Variants in HERC2 observed in about 807,000 individuals in gnomAD.
The protein encoded by HERC2 is E3 ubiquitin-protein ligase HERC2.
A neutral mutation model predicts 537.7 loss-of-function variants in HERC2; 102 were observed. The ratio of observed to expected loss-of-function variants is 0.19; its 90% CI spans 0.16 to 0.22. HERC2 has a LOEUF of 0.22. Ranked by LOEUF, HERC2 falls within the 10% of genes least tolerant of loss-of-function variation. The pLI is 1.00. For synonymous variants in HERC2, 2,224 were observed against 2,466.2 expected (o/e 0.90, Z 2.91); for missense variants, 4,236 against 6,198.2 (o/e 0.68, Z 10.63).
In HERC2 at chr15:28,201,569, T is replaced by C. The variant is rs1897912322; in HGVS notation, c.7618-15A>G. The C allele has an allele frequency of 1.3e-6, 2 of 1,551,524 alleles. No homozygotes were observed. Among genetic ancestry groups the C allele is most frequent in the Non-Finnish European group, 8.9e-7 (1 of 1,123,638 alleles). On this transcript the variant is annotated splice_polypyrimidine_tract_variant and intron_variant, in intron 47 of 92. Coordinates refer to ENST00000261609, the MANE Select transcript of HERC2 (RefSeq NM_004667.6). Reference sequence around the variant, plus strand: ...GCACCAGTAGACTGCAAGAAATAAATACATTCAAACAAAAAAACAGGAGAA... The same window carrying C: ...GCACCAGTAGACTGCAAGAAATAAACACATTCAAACAAAAAAACAGGAGAA...
At chr15:28,157,367 C>G (rs1401663590) in intron 69 of HERC2, among the ~76,000 whole-genome samples, 1 of 152,222 alleles carries the variant, frequency 6.6e-6, no homozygotes, top group Non-Finnish European at 1.5e-5. Context: ...GTGATTCCAT[C>G]TGGTCCTGGA....
chr15:28,142,966 G>C lies in HERC2; in HGVS notation c.11419-14C>G, dbSNP rs375750342. On this transcript the variant is annotated splice_polypyrimidine_tract_variant and intron_variant, in intron 74 of 92. Transcript: ENST00000261609. ...ACCTGTAAAACTCTAAGAAACAACA[G>C]AACAGTATTCTATCGCAGGAATCCA... is the stretch of plus-strand genomic sequence containing the variant. The C allele has an allele frequency of 2.5e-6, 4 of 1,605,550 alleles. No individual in the cohort carries two copies. The African/African-American group carries it at 4.0e-5, about 16-fold the overall frequency.
chr15:28,310,691 AGTTTCAGACTAT>A (rs1488731182), intron 2 of HERC2, among the ~76,000 whole-genome samples: 2 of 152,066 alleles, frequency 1.3e-5, no homozygotes. Context: ...GTGCTCCAGG[AGTTTCAGACTAT>A]CTTTAGGCAC....
At chr15:28,192,527 AAT>A (rs1896945861) in intron 52 of HERC2, among the ~76,000 whole-genome samples, 1 of 152,264 alleles carries the variant, frequency 6.6e-6, no homozygotes, top group Non-Finnish European at 1.5e-5. Flanking sequence ...CACTTCCATT[AAT>A]GGCAAATCTG....
chr15:28,157,450 A>C (rs575263041), intron 69 of HERC2, among the ~76,000 whole-genome samples: 1 of 152,062 alleles, frequency 6.6e-6, no homozygotes, highest in Non-Finnish European at 1.5e-5. Flanking sequence ...CAGAGATTCA[A>C]CTTCTTCCTG....
chr15:28,165,663 C>G (rs1466297154), intron 68 of HERC2, among the ~76,000 whole-genome samples: 1 of 151,806 alleles, frequency 6.6e-6, no homozygotes, highest in South Asian at 2.1e-4. Context: ...AAAAATTAGC[C>G]AGGTATGGTG....
In HERC2 at chr15:28,270,753, A is replaced by G; in HGVS notation, c.1199T>C (p.Leu400Ser). The stretch of plus-strand genomic sequence containing the variant: ...CATACAGGGCGTAGCCAGACGGTCT[A>G]AATGGGCCATGACAACAACCGCCGT... Reference protein sequence around the residue: ...RQTAVVVMAHLDRLATPCMPP... With the variant: ...RQTAVVVMAHSDRLATPCMPP... The change falls in exon 10 of 93, where the codon TTA becomes TCA. Residue 400 changes from leucine (L) to serine (S), a missense_variant. Transcript: ENST00000261609. 1 of 1,613,984 alleles carries G rather than the reference A, an allele frequency of 6.2e-7. No individual in the cohort carries two copies. The highest frequency in any genetic ancestry group is 8.5e-7 in the Non-Finnish European group (1 of 1,179,856).
rs375031915 is a variant in HERC2, at chr15:28,185,796, G to A, written c.8825+781C>T. Among the ~76,000 whole-genome samples, 6 of 152,322 alleles carry A rather than the reference G, an allele frequency of 3.9e-5. No individual in the cohort carries two copies. The South Asian group carries it at 1.0e-3, about 26-fold the overall frequency. ...TGCTCCAATGCAGACTCTCAAGGCTGTATGCACTTCTTCCTGCCTCTTACC... is the reference window on the plus strand; with the variant it reads ...TGCTCCAATGCAGACTCTCAAGGCTATATGCACTTCTTCCTGCCTCTTACC... On this transcript the variant is annotated intron_variant, in intron 56 of 92. Transcript: ENST00000261609.
In HERC2 at chr15:28,201,408, T is replaced by C. The variant is rs761206174; in HGVS notation, c.7716+48A>G. ...GGCATATAGGACATACTCAAATATT[T>C]GCTGAATGAAAAACGGATCGAGGCT... On this transcript the variant is annotated intron_variant, in intron 48 of 92. Transcript: ENST00000261609. 9 of 1,209,048 alleles carry C rather than the reference T, an allele frequency of 7.4e-6. No individual in the cohort carries two copies. The South Asian group carries it at 1.1e-4, about 15-fold the overall frequency. The allele number at this position is 1,209,048 out of a possible 1,614,324, so 74.9% of individuals were successfully genotyped here.
rs146558015 is a variant in HERC2, at chr15:28,192,070, C to G, written c.8342G>C (p.Ser2781Thr). ...CAGGCTCTTCACCATGCGGGACCAGCTGTCCAGCAGCATGCCTGGCTGGCT... is the reference window on the plus strand; with the variant it reads ...CAGGCTCTTCACCATGCGGGACCAGGTGTCCAGCAGCATGCCTGGCTGGCT... The part of the protein sequence containing the change: ...HSSQPGMLLD[S>T]WSRMVKSLNV... The change falls in exon 53 of 93, where the codon AGC (serine) becomes ACC (threonine). Residue 2781 changes from serine (S) to threonine (T), a missense_variant. By Grantham distance (58) the Ser-to-Thr change is moderately conservative. Coordinates refer to ENST00000261609, the MANE Select transcript of HERC2 (RefSeq NM_004667.6). 2.3e-4 allele frequency: 367 copies of G among 1,614,010 alleles called. 4 individuals carry two copies. The African/African-American group carries it at 4.4e-3, about 19-fold the overall frequency.
At chr15:28,305,509 C>A (rs1480284749) in intron 2 of HERC2, among the ~76,000 whole-genome samples, 1 of 116,884 alleles carries the variant, frequency 8.6e-6, no homozygotes, top group Non-Finnish European at 1.8e-5. Context: ...CTTCCTTACA[C>A]CTTATACAAA....
intron 70 of HERC2, among the ~76,000 whole-genome samples, chr15:28,150,323 T>G (rs1892302637): frequency 7.0e-6 from 1 of 143,592 alleles, no homozygotes; most frequent in African/African-American, 2.6e-5. Context: ...TCTAGTAAAA[T>G]TACTGAAAAA....
chr15:28,279,172 T>C (rs1342336701), intron 5 of HERC2, among the ~76,000 whole-genome samples: 1 of 152,096 alleles, frequency 6.6e-6, no homozygotes, highest in East Asian at 1.9e-4. Context: ...TTTTTATTTT[T>C]AGTAGAGATG....
At chr15:28,223,537 G>A (rs576097936) in intron 35 of HERC2, among the ~76,000 whole-genome samples, 75 of 152,268 alleles carry the variant, frequency 4.9e-4, no homozygotes, top group Non-Finnish European at 9.3e-4. Context: ...GGGGCCCCAA[G>A]GAAGGGACAG....
chr15:28,137,276 G>A (rs1890743921), intron 78 of HERC2, among the ~76,000 whole-genome samples: 1 of 152,222 alleles, frequency 6.6e-6, no homozygotes, highest in Non-Finnish European at 1.5e-5. Flanking sequence ...TGTGCTAGCA[G>A]TCTGCCTCTG....
chr15:28,215,561 G>C, intron 39 of HERC2, 60 bp downstream of exon 39: 3 of 1,445,290 alleles, frequency 2.1e-6, no homozygotes, highest in Non-Finnish European at 2.9e-6. Context: ...TCTGAAGGCA[G>C]GGAACTTCAG....
intron 5 of HERC2, among the ~76,000 whole-genome samples, chr15:28,279,651 A>ACACAC (rs2075971136): frequency 3.3e-5 from 5 of 150,942 alleles, no homozygotes; most frequent in South Asian, 4.2e-4. Flanking sequence ...ACACACACAC[A>ACACAC]AATTGTTTTT....
At chr15:28,250,970 C>A (rs1370499946) in intron 20 of HERC2, among the ~76,000 whole-genome samples, 2 of 152,118 alleles carry the variant, frequency 1.3e-5, no homozygotes, top group Non-Finnish European at 2.9e-5. Context: ...GTACGTACAT[C>A]CTTATTACAA....
chr15:28,248,348 T>C (rs1212850538), intron 21 of HERC2, among the ~76,000 whole-genome samples: 1 of 152,118 alleles, frequency 6.6e-6, no homozygotes, highest in East Asian at 1.9e-4. Flanking sequence ...AATTTAAATA[T>C]TAAGGCAACA....
Sources: gnomAD v4.1 joint callset for allele counts (sites outside exome capture counted in the v4.1 genomes callset) on GRCh38, gnomAD v4.1.1 for gene constraint, MANE v1.5 for transcripts, NCBI Gene and HGNC (gene_info 2026-07-23, HGNC 2026-07-21) for gene names.